The following PCM1 variants were observed in gnomAD, a reference collection of about 807,000 sequenced individuals.
PCM1 encodes pericentriolar material 1, also known as pericentriolar material 1 protein.
Under a neutral mutation model 241.9 loss-of-function variants are expected in PCM1, and 157 were observed. That is an observed-to-expected ratio of 0.65 (90% CI 0.57 to 0.74). The LOEUF is 0.74. Ranked by LOEUF, PCM1 falls within the 30% of genes least tolerant of loss-of-function variation. The pLI, the probability that PCM1 is intolerant of heterozygous loss-of-function variation, is 0.00. For missense variants in PCM1, 3,478 were observed against 2,360.1 expected (o/e 1.47, Z -9.81); for synonymous variants, 1,085 against 784.9 (o/e 1.38, Z -6.39).
chr8:17,973,717 G>GA (rs756070246), intron 23 of PCM1, among the ~76,000 whole-genome samples: 2,074 of 112,336 alleles, frequency 0.018, 9 homozygotes, highest in Non-Finnish European at 0.022. Flanking sequence ...GTCTCTGTCA[G>GA]AAAAAAAAAA....
intron 23 of PCM1, among the ~76,000 whole-genome samples, chr8:17,976,297 A>C (rs550903743): frequency 6.6e-6 from 1 of 152,198 alleles, no homozygotes; most frequent in Non-Finnish European, 1.5e-5. Flanking sequence ...ACCGAAATAA[A>C]AGGGGCTAGC....
chr8:17,944,162 A>G (rs963171082), intron 6 of PCM1, among the ~76,000 whole-genome samples: 4 of 152,044 alleles, frequency 2.6e-5, no homozygotes, highest in Non-Finnish European at 4.4e-5. Flanking sequence ...CATCATTGCT[A>G]GTTATTTCGT....
intron 8 of PCM1, among the ~76,000 whole-genome samples, chr8:17,951,338 A>G (rs1293229584): frequency 6.6e-6 from 1 of 152,216 alleles, no homozygotes; most frequent in African/African-American, 2.4e-5. Context: ...TGACCAAGTG[A>G]AAATGAGAGA....
In PCM1 at chr8:18,013,906, C is replaced by T. The variant is rs1452445314; in HGVS notation, c.5512-58C>T. 3 of 991,622 alleles carry T rather than the reference C, an allele frequency of 3.0e-6. No homozygotes were observed. In the Admixed American group the frequency reaches 7.8e-5, roughly 26 times the overall value. 61.4% of individuals were successfully genotyped at this position (991,622 alleles called of 1,614,324 possible). A position where few individuals can be genotyped will look rare whatever the true frequency, so the allele number is the denominator to read the frequency against. On this transcript the variant is annotated intron_variant, in intron 34 of 38. Transcript: ENST00000325083. The stretch of plus-strand genomic sequence containing the variant: ...ACAAAAACTACACACTAGTAATCAT[C>T]TCTTTTATAGTGACCATATATTTCA...
chr8:17,935,722 C>G lies in PCM1; in HGVS notation c.96+16C>G, dbSNP rs770297204. 2 of 1,130,986 alleles carry G rather than the reference C, an allele frequency of 1.8e-6. No homozygotes were observed. Among genetic ancestry groups the G allele is most frequent in the East Asian group, 2.3e-5 (1 of 42,666 alleles). The allele number at this position is 1,130,986 out of a possible 1,614,324, so 70.1% of individuals were successfully genotyped here. A position where few individuals can be genotyped will look rare whatever the true frequency, so the allele number is the denominator to read the frequency against. Reference sequence around the variant, plus strand: ...CAACAATATGGTATGATTCCTTACTCTTCATGGTGTGTTGTTGGCTATTAA... The same window carrying G: ...CAACAATATGGTATGATTCCTTACTGTTCATGGTGTGTTGTTGGCTATTAA... On this transcript the variant is annotated intron_variant, in intron 3 of 38. Coordinates refer to ENST00000325083, the MANE Select transcript of PCM1 (RefSeq NM_006197.4).
intron 15 of PCM1, 56 bp downstream of exon 15, chr8:17,960,500 CA>C (rs1214844641): frequency 4.0e-6 from 5 of 1,253,642 alleles, no homozygotes; most frequent in African/African-American, 1.6e-5. Context: ...AACCTTAGGT[CA>C]ACTGAAAGTA....
chr8:17,967,267 A>T, intron 21 of PCM1, 97 bp downstream of exon 21: 1 of 812,286 alleles, frequency 1.2e-6, no homozygotes, highest in Non-Finnish European at 1.9e-6. Flanking sequence ...TTTCTTTTGG[A>T]GTGGGGTAGG....
intron 2 of PCM1, among the ~76,000 whole-genome samples, chr8:17,931,034 G>C (rs1023333754): frequency 1.3e-5 from 2 of 152,194 alleles, no homozygotes; most frequent in Non-Finnish European, 2.9e-5. Flanking sequence ...CAATCACAGT[G>C]TAACAGTGGA....
rs2129476857 is a variant in PCM1, at chr8:17,985,642, T to A, written c.4281+23T>A. The A allele has an allele frequency of 2.6e-6, 4 of 1,562,260 alleles. No homozygotes were observed. In the African/African-American group the frequency reaches 5.4e-5, roughly 21 times the overall value. On this transcript the variant is annotated intron_variant, in intron 25 of 38. Coordinates refer to ENST00000325083, the MANE Select transcript of PCM1 (RefSeq NM_006197.4). ...CAGGTATCTGGTACCTAACATAATTTTTCCTACCCTATTATCACCTTCTTC... is the reference window on the plus strand; with the variant it reads ...CAGGTATCTGGTACCTAACATAATTATTCCTACCCTATTATCACCTTCTTC...
At chr8:17,961,304 C>CTTTTTTTTTTTTT (rs35468848) in intron 15 of PCM1, among the ~76,000 whole-genome samples, 2 of 79,140 alleles carry the variant, frequency 2.5e-5, no homozygotes, top group Admixed American at 1.9e-4. Flanking sequence ...TATTGGCTAG[C>CTTTTTTTTTTTTT]TTTTTTTTTT....
Position 17,991,558 on chromosome 8 carries a change from C to T in PCM1, c.4548C>T (p.His1516=). ...ATDDLGNTVI[H]LDQALARMRE... ...CAAATGTAGGTAACACCGTGATTCA[C>T]TTAGATCAAGCATTAGCCAGAATGA... The change falls in exon 28 of 39, where the codon CAC becomes CAT. Residue 1516 remains histidine (H), a synonymous_variant. Coordinates refer to ENST00000325083, the MANE Select transcript of PCM1 (RefSeq NM_006197.4). The T allele has an allele frequency of 6.2e-7, 1 of 1,601,668 alleles. No individual in the cohort carries two copies. The highest frequency in any genetic ancestry group is 8.5e-7 in the Non-Finnish European group (1 of 1,173,642).
chr8:18,015,214 A>C (rs1037125965), intron 36 of PCM1, among the ~76,000 whole-genome samples: 1 of 151,770 alleles, frequency 6.6e-6, no homozygotes, highest in African/African-American at 2.4e-5. Flanking sequence ...ATAGGAAATA[A>C]AACAGTTTGA....
At chr8:17,961,234 A>G (rs201451698) in intron 15 of PCM1, among the ~76,000 whole-genome samples, 36 of 152,226 alleles carry the variant, frequency 2.4e-4, no homozygotes, top group African/African-American at 7.9e-4. Flanking sequence ...GGTGATATCA[A>G]ATAATCAGTT....
chr8:17,934,288 T>G (rs2059836114), intron 2 of PCM1, among the ~76,000 whole-genome samples: 2 of 149,228 alleles, frequency 1.3e-5, no homozygotes, highest in Admixed American at 6.7e-5. Flanking sequence ...TTTGAGATGG[T>G]TTTTTGCTAG....
At chr8:17,936,318 G>GGA (rs1457501537) in intron 3 of PCM1, among the ~76,000 whole-genome samples, 24 of 152,108 alleles carry the variant, frequency 1.6e-4, no homozygotes, top group Admixed American at 1.6e-3. Flanking sequence ...TTGGGTGGAA[G>GGA]GACAGTTCAT....
chr8:17,938,744 G>A lies in PCM1; in HGVS notation c.347G>A (p.Ser116Asn), dbSNP rs755680877. The change falls in exon 5 of 39, where the codon AGC (serine) becomes AAC (asparagine). Residue 116 changes from serine to asparagine, a missense_variant. Coordinates refer to ENST00000325083, the MANE Select transcript of PCM1 (RefSeq NM_006197.4). ...RINFSDLDQR[S>N]IGSDSQGRAT... ...TGATTTCTTTTTCATATATAGAGAA[G>A]CATTGGAAGTGATTCCCAAGGTAGA... 3.7e-6 allele frequency: 6 copies of A among 1,607,736 alleles called. No individual in the cohort carries two copies. The highest frequency in any genetic ancestry group is 1.7e-5 in the Admixed American group (1 of 59,974).
intron 17 of PCM1, 123 bp downstream of exon 17, chr8:17,963,414 G>A (rs921105276): frequency 3.8e-5 from 24 of 625,436 alleles, no homozygotes; most frequent in Non-Finnish European, 5.6e-5. Flanking sequence ...TGAGGCTACT[G>A]TTTAACTACC....
At chr8:17,956,932 G>T (rs1253106743) in intron 11 of PCM1, among the ~76,000 whole-genome samples, 155 bp downstream of exon 11, 1 of 152,202 alleles carries the variant, frequency 6.6e-6, no homozygotes, top group Non-Finnish European at 1.5e-5. Context: ...GCCCTGTGAA[G>T]AAAGATGAAT....
At position 18,025,719 on chromosome 8, in the gene PCM1, T is replaced by C. The variant is rs1289155947; in HGVS notation, c.6049+61T>C. 1.4e-5 allele frequency: 13 copies of C among 948,652 alleles called. No individual in the cohort carries two copies. In the Admixed American group the frequency reaches 2.3e-4, roughly 17 times the overall value. The allele number at this position is 948,652 out of a possible 1,614,324, so 58.8% of individuals were successfully genotyped here. On this transcript the variant is annotated intron_variant, in intron 38 of 38. Coordinates refer to ENST00000325083, the MANE Select transcript of PCM1 (RefSeq NM_006197.4). Reference sequence around the variant, plus strand: ...AAATCATTGAATCTTCATACTACTATTGTGTTTTATTTTTTAAATATGCTA... The same window carrying C: ...AAATCATTGAATCTTCATACTACTACTGTGTTTTATTTTTTAAATATGCTA...
Sources: allele counts gnomAD v4.1 joint callset (sites outside exome capture counted in the v4.1 genomes callset), GRCh38; gene constraint gnomAD v4.1.1; transcripts MANE v1.5; gene names NCBI Gene and HGNC (gene_info 2026-07-23, HGNC 2026-07-21).